SRGAP1: variants seen among roughly 807,000 people sequenced by gnomAD.
The protein encoded by SRGAP1 is SLIT-ROBO Rho GTPase activating protein 1.
A neutral mutation model predicts 121.9 loss-of-function variants in SRGAP1; 43 were observed. The ratio of observed to expected loss-of-function variants is 0.35; its 90% CI spans 0.28 to 0.46. SRGAP1 has a LOEUF of 0.46. SRGAP1 is among the 20% of genes least tolerant of loss of function. The pLI, the probability that SRGAP1 is intolerant of heterozygous loss-of-function variation, is 1.00. For synonymous variants in SRGAP1, 447 were observed against 485.4 expected (o/e 0.92, Z 1.04); for missense variants, 1,102 against 1,350.9 (o/e 0.82, Z 2.89).
At chr12:64,091,430 G>T in intron 12 of SRGAP1, 52 bp downstream of exon 12, 1 of 1,347,262 alleles carries the variant, frequency 7.4e-7, no homozygotes, top group South Asian at 1.3e-5. Flanking sequence ...TTACTATAAT[G>T]GTCTCAGCCT....
intron 4 of SRGAP1, among the ~76,000 whole-genome samples, chr12:64,029,671 T>C (rs913473441): frequency 6.6e-6 from 1 of 152,168 alleles, no homozygotes; most frequent in African/African-American, 2.4e-5. Flanking sequence ...ACTCTAATAT[T>C]GCAAGATTGT....
At chr12:64,112,101 A>C in intron 17 of SRGAP1, 115 bp downstream of exon 17, 1 of 782,564 alleles carries the variant, frequency 1.3e-6, no homozygotes, top group South Asian at 1.9e-5. Flanking sequence ...ACTTAAAAGG[A>C]AGAAGCAGTA....
chr12:64,135,080 G>C (rs753510331), intron 21 of SRGAP1, among the ~76,000 whole-genome samples: 1 of 152,206 alleles, frequency 6.6e-6, no homozygotes, highest in Non-Finnish European at 1.5e-5. Context: ...TGGAAAGGCT[G>C]ATGGCAGCAT....
intron 17 of SRGAP1, 53 bp downstream of exon 17, chr12:64,112,039 G>C (rs997678479): frequency 7.1e-7 from 1 of 1,407,260 alleles, no homozygotes; most frequent in Non-Finnish European, 9.9e-7. Flanking sequence ...TGGAAATATA[G>C]CTATCAATTT....
intron 3 of SRGAP1, among the ~76,000 whole-genome samples, chr12:64,014,975 CCTG>C (rs35816402): frequency 0.36 from 54,556 of 151,768 alleles, 10,974 homozygotes; most frequent in Non-Finnish European, 0.48. Flanking sequence ...TGCCACCACA[CCTG>C]GCTAATTTTT....
intron 4 of SRGAP1, among the ~76,000 whole-genome samples, chr12:64,018,257 T>A (rs1354736780): frequency 2.0e-5 from 3 of 151,990 alleles, no homozygotes; most frequent in African/African-American, 7.2e-5. Flanking sequence ...CCTGGCAAAT[T>A]TTTTTGTATT....
chr12:63,971,951 C>T (rs1424634249), intron 1 of SRGAP1, among the ~76,000 whole-genome samples: 2 of 152,184 alleles, frequency 1.3e-5, no homozygotes, highest in Non-Finnish European at 2.9e-5. Context: ...TTTTCAGCTC[C>T]TGTCCAGAGT....
chr12:63,853,407 A>G (rs906076416), intron 1 of SRGAP1, among the ~76,000 whole-genome samples: 2 of 152,224 alleles, frequency 1.3e-5, no homozygotes, highest in African/African-American at 2.4e-5. Context: ...AATGTCCAAC[A>G]GTGGGGAATG....
intron 1 of SRGAP1, among the ~76,000 whole-genome samples, chr12:63,918,581 T>G (rs1309024694): frequency 6.6e-6 from 1 of 152,096 alleles, no homozygotes; most frequent in Admixed American, 6.6e-5. Flanking sequence ...CATGCCCAGT[T>G]AATTTGTGTA....
intron 21 of SRGAP1, among the ~76,000 whole-genome samples, chr12:64,137,961 A>AAATATATATATATATATATAT (rs372355390): frequency 1.4e-5 from 2 of 139,684 alleles, no homozygotes; most frequent in African/African-American, 5.4e-5. Flanking sequence ...TTAAAAAAAA[A>AAATATATATATATATATATAT]ATATATATAT....
At chr12:63,955,918 A>G (rs2032449658) in intron 1 of SRGAP1, among the ~76,000 whole-genome samples, 1 of 152,202 alleles carries the variant, frequency 6.6e-6, no homozygotes, top group South Asian at 2.1e-4. Context: ...ATTATAAATC[A>G]CTTCCCTAAA....
intron 1 of SRGAP1, among the ~76,000 whole-genome samples, chr12:63,850,596 ATTTTT>A (rs34957489): frequency 8.0e-6 from 1 of 124,308 alleles, no homozygotes; most frequent in Admixed American, 8.4e-5. Flanking sequence ...ATACCTGGCT[ATTTTT>A]TTTTTTTTTT....
In SRGAP1 at chr12:64,076,548, C is replaced by T. The variant is rs140382480; in HGVS notation, c.1126-2371C>T. 7.0e-3 allele frequency among the ~76,000 whole-genome samples: 1,067 copies of T among 151,760 alleles called. 7 individuals are homozygous for T. The highest frequency in any genetic ancestry group is 0.025 in the African/African-American group (1,023 of 41,362). ...CAAATCAGAAGAAATAATAAAAACG[C>T]AGCATCAAAAACAAAAGATAATAAA... On this transcript the variant is annotated intron_variant, in intron 8 of 21. Transcript: ENST00000355086.
intron 6 of SRGAP1, among the ~76,000 whole-genome samples, chr12:64,049,342 G>A (rs2136515541): frequency 6.6e-6 from 1 of 152,300 alleles, no homozygotes; most frequent in African/African-American, 2.4e-5. Flanking sequence ...AAAGGAAAGA[G>A]GTTTAATTGA....
chr12:63,956,771 C>T (rs1184530569), intron 1 of SRGAP1, among the ~76,000 whole-genome samples: 1 of 131,628 alleles, frequency 7.6e-6, no homozygotes, highest in African/African-American at 2.9e-5. Flanking sequence ...GAGACATACA[C>T]TTTACTATTT....
At chr12:63,976,397 C>G (rs898906682) in intron 1 of SRGAP1, among the ~76,000 whole-genome samples, 4 of 152,162 alleles carry the variant, frequency 2.6e-5, no homozygotes, top group African/African-American at 9.7e-5. Flanking sequence ...TCTTTGTGCC[C>G]TTGCCTTCTT....
chr12:64,006,205 A>G (rs946147128), intron 3 of SRGAP1, among the ~76,000 whole-genome samples: 4 of 152,166 alleles, frequency 2.6e-5, no homozygotes, highest in African/African-American at 9.7e-5. Flanking sequence ...ACATTCTTCT[A>G]TACTGGCAGA....
intron 1 of SRGAP1, among the ~76,000 whole-genome samples, chr12:63,966,092 T>G (rs2032782931): frequency 6.6e-6 from 1 of 152,210 alleles, no homozygotes; most frequent in Non-Finnish European, 1.5e-5. Flanking sequence ...AGTGCTGGGA[T>G]TACAGGCATG....
At chr12:63,990,743 G>A (rs1333638858) in intron 3 of SRGAP1, among the ~76,000 whole-genome samples, 14 of 152,138 alleles carry the variant, frequency 9.2e-5, no homozygotes, top group Non-Finnish European at 1.5e-5. Context: ...TCAGACCAGA[G>A]GGTAAATGCC....
Sources: allele counts gnomAD v4.1 joint callset (sites outside exome capture counted in the v4.1 genomes callset), GRCh38; gene constraint gnomAD v4.1.1; transcripts MANE v1.5; gene names NCBI Gene and HGNC (gene_info 2026-07-23, HGNC 2026-07-21).